The following REDIC1 variants were observed in gnomAD, a reference collection of about 807,000 sequenced individuals.
The protein encoded by REDIC1 is regulator of DNA class I crossover intermediates 1.
chr12:39,682,728 T>C, the REDIC1 span: 1 of 1,613,318 alleles, frequency 6.2e-7, no homozygotes, highest in Non-Finnish European at 8.5e-7. Flanking sequence ...CAATACAGCA[T>C]ATTTGGGGGA....
At chr12:39,896,354 A>G in the REDIC1 span, among the ~76,000 whole-genome samples, 7 of 83,172 alleles carry the variant, frequency 8.4e-5, no homozygotes, top group African/African-American at 3.8e-4. Flanking sequence ...ATATGTATGT[A>G]TATGTGTATA....
the REDIC1 span, among the ~76,000 whole-genome samples, chr12:39,864,582 G>A: frequency 2.0e-5 from 3 of 152,180 alleles, no homozygotes; most frequent in Admixed American, 6.5e-5. Flanking sequence ...TCACACATCT[G>A]CACAAGCTAT....
the REDIC1 span, among the ~76,000 whole-genome samples, chr12:39,714,188 T>TATGCGTATATGTATATAC: frequency 7.7e-4 from 11 of 14,204 alleles, no homozygotes; most frequent in African/African-American, 1.5e-3. Flanking sequence ...TACATGCATA[T>TATGCGTATATGTATATAC]ATGTATATAT....
At chr12:39,744,642 A>C in the REDIC1 span, among the ~76,000 whole-genome samples, 1 of 152,190 alleles carries the variant, frequency 6.6e-6, no homozygotes, top group African/African-American at 2.4e-5. Flanking sequence ...TGCAAACTCC[A>C]GGGCAACCAC....
chr12:39,847,670 A>G, the REDIC1 span, among the ~76,000 whole-genome samples: 2 of 151,712 alleles, frequency 1.3e-5, no homozygotes, highest in Non-Finnish European at 2.9e-5. Flanking sequence ...TTGGTCCCCA[A>G]CTCCTTACCC....
the REDIC1 span, among the ~76,000 whole-genome samples, chr12:39,827,962 G>A: frequency 6.6e-6 from 1 of 152,138 alleles, no homozygotes; most frequent in African/African-American, 2.4e-5. Flanking sequence ...AATATCTAGA[G>A]ATAGTATATC....
At chr12:39,628,080 A>G in the REDIC1 span, among the ~76,000 whole-genome samples, 1 of 152,204 alleles carries the variant, frequency 6.6e-6, no homozygotes, top group South Asian at 2.1e-4. Context: ...GAGCAATGCT[A>G]TGTGCCCTGT....
chr12:39,783,923 C>A, the REDIC1 span, among the ~76,000 whole-genome samples: 1 of 152,106 alleles, frequency 6.6e-6, no homozygotes, highest in African/African-American at 2.4e-5. Flanking sequence ...CATTCCTGTA[C>A]ACAAATAACA....
At chr12:39,805,418 G>T in the REDIC1 span, among the ~76,000 whole-genome samples, 1 of 152,052 alleles carries the variant, frequency 6.6e-6, no homozygotes, top group African/African-American at 2.4e-5. Flanking sequence ...TAAGGAAGTG[G>T]GAATCTGGGT....
chr12:39,630,315 C>G, the REDIC1 span, among the ~76,000 whole-genome samples: 1 of 151,990 alleles, frequency 6.6e-6, no homozygotes, highest in Admixed American at 6.6e-5. Context: ...ACTATACATG[C>G]AGTATAAGAT....
the REDIC1 span, among the ~76,000 whole-genome samples, chr12:39,653,976 T>C: frequency 6.6e-6 from 1 of 152,084 alleles, no homozygotes; most frequent in Non-Finnish European, 1.5e-5. Flanking sequence ...TATCAGGTTG[T>C]GAAAGTTCTC....
the REDIC1 span, among the ~76,000 whole-genome samples, chr12:39,634,487 T>G: frequency 4.5e-4 from 69 of 152,018 alleles, no homozygotes; most frequent in Non-Finnish European, 5.3e-4. Flanking sequence ...ACCACACACA[T>G]CTACAACCAT....
chr12:39,747,496 C>T, the REDIC1 span, among the ~76,000 whole-genome samples: 2 of 152,202 alleles, frequency 1.3e-5, no homozygotes, highest in African/African-American at 2.4e-5. Context: ...AGTTGGAAAA[C>T]ACTCTGCAGG....
the REDIC1 span, among the ~76,000 whole-genome samples, chr12:39,711,508 T>A: frequency 7.0e-6 from 1 of 142,440 alleles, no homozygotes; most frequent in Non-Finnish European, 1.5e-5. Flanking sequence ...TATGTATATA[T>A]GTGTATATAT....
chr12:39,704,682 A>T, the REDIC1 span, among the ~76,000 whole-genome samples: 2 of 152,206 alleles, frequency 1.3e-5, no homozygotes, highest in Non-Finnish European at 2.9e-5. Context: ...CAAATGTCCA[A>T]CAATGATAGA....
At chr12:39,682,964 G>A in the REDIC1 span, 1 of 1,613,388 alleles carries the variant, frequency 6.2e-7, no homozygotes, top group Non-Finnish European at 8.5e-7. Flanking sequence ...AGATGCATTA[G>A]AAACATTTTT....
the REDIC1 span, chr12:39,835,622 C>T: frequency 5.6e-4 from 85 of 152,178 alleles, no homozygotes; most frequent in African/African-American, 1.9e-3. Flanking sequence ...ATACAATGCT[C>T]TTTACTGACT....
At chr12:39,668,045 T>C in the REDIC1 span, among the ~76,000 whole-genome samples, 1 of 152,310 alleles carries the variant, frequency 6.6e-6, no homozygotes, top group African/African-American at 2.4e-5. Flanking sequence ...GTCTTTTAAT[T>C]GGAGTATTTA....
At chr12:39,868,874 A>T in the REDIC1 span, among the ~76,000 whole-genome samples, 1 of 152,214 alleles carries the variant, frequency 6.6e-6, no homozygotes, top group Non-Finnish European at 1.5e-5. Flanking sequence ...CTTTGTATAA[A>T]GAGTTCCTTT....
Sources: allele counts gnomAD v4.1 joint callset (sites outside exome capture counted in the v4.1 genomes callset), GRCh38; gene constraint gnomAD v4.1.1; transcripts MANE v1.5; gene names NCBI Gene and HGNC (gene_info 2026-07-23, HGNC 2026-07-21).